PBLD: variants seen among roughly 807,000 people sequenced by gnomAD.
PBLD encodes the protein phenazine biosynthesis-like domain-containing protein.
A neutral mutation model predicts 31.3 loss-of-function variants in PBLD; 26 were observed. That is an observed-to-expected ratio of 0.83 (90% CI 0.61 to 1.15). The LOEUF is 1.15. PBLD is among the 50% of genes most tolerant of loss of function. The pLI is 0.00. For synonymous variants in PBLD, 114 were observed against 129.0 expected (o/e 0.88, Z 0.79); for missense variants, 307 against 351.7 (o/e 0.87, Z 1.02).
At chr10:68,296,226 A>C in intron 4 of PBLD, 40 bp downstream of exon 4, 4 of 1,468,226 alleles carry the variant, frequency 2.7e-6, no homozygotes, top group Non-Finnish European at 3.7e-6. Context: ...AAAAAAAGCC[A>C]TTTGCTAAGT....
At chr10:68,317,017 A>G (rs1342862456) in intron 1 of PBLD, among the ~76,000 whole-genome samples, 1 of 152,196 alleles carries the variant, frequency 6.6e-6, no homozygotes, top group East Asian at 1.9e-4. Context: ...CATCTCAAAA[A>G]AAAGAGAAAA....
intron 1 of PBLD, among the ~76,000 whole-genome samples, chr10:68,332,414 G>T (rs1352119207): frequency 6.6e-6 from 1 of 152,208 alleles, no homozygotes; most frequent in Non-Finnish European, 1.5e-5. Flanking sequence ...GGGAGGACTT[G>T]CTCAGGTGGA....
At chr10:68,285,210 A>T in intron 9 of PBLD, 138 bp downstream of exon 9, 7 of 1,525,804 alleles carry the variant, frequency 4.6e-6, no homozygotes, top group Non-Finnish European at 5.3e-6. Context: ...TTAAGGGTGA[A>T]GGAATTTTAA....
At chr10:68,304,651 G>A (rs1203097436) in intron 2 of PBLD, among the ~76,000 whole-genome samples, 2 of 152,178 alleles carry the variant, frequency 1.3e-5, no homozygotes. Flanking sequence ...GAAATAAAAG[G>A]AGTAAGTTGG....
rs573172628 is a variant in PBLD, at chr10:68,293,820, C to T, written c.284-1582G>A. ...TAAAACCCCATCTCTACTAAAAATA[C>T]AAAAATTAGCCAGGCGTGGTGGCAG... On this transcript the variant is annotated intron_variant, in intron 4 of 9. Transcript: ENST00000358769. 2.0e-5 allele frequency among the ~76,000 whole-genome samples: 3 copies of T among 152,024 alleles called. 1 individual carries two copies. The highest frequency in any genetic ancestry group is 4.8e-5 in the African/African-American group (2 of 41,484).
intron 2 of PBLD, among the ~76,000 whole-genome samples, chr10:68,304,525 ATAAT>A (rs1202566943): frequency 6.6e-6 from 1 of 152,232 alleles, no homozygotes; most frequent in African/African-American, 2.4e-5. Flanking sequence ...TTCCAAATAT[ATAAT>A]TAACATACAA....
intron 6 of PBLD, 146 bp from the exon 7 acceptor site, chr10:68,289,165 T>C (rs1428038524): frequency 1.1e-5 from 7 of 630,690 alleles, no homozygotes; most frequent in African/African-American, 9.2e-5. Context: ...TAGTGCAGTT[T>C]CAGAGCTTAA....
chr10:68,324,604 C>CTTATTTA (rs2044886462), intron 1 of PBLD, among the ~76,000 whole-genome samples: 1 of 148,526 alleles, frequency 6.7e-6, no homozygotes. Context: ...ACCCTCCACA[C>CTTATTTA]TTTATTTATT....
In PBLD at chr10:68,299,106, CAAAAA is replaced by C. The variant is rs35915509; in HGVS notation, c.85-2126_85-2122del. 1.0e-4 allele frequency among the ~76,000 whole-genome samples: 8 copies of C among 79,000 alleles called. No individual in the cohort carries two copies. In the East Asian group the frequency reaches 1.1e-3, roughly 11 times the overall value. The allele number at this position is 79,000 out of a possible 152,430, so 51.8% of individuals were successfully genotyped here. A position where few individuals can be genotyped will look rare whatever the true frequency, so the allele number is the denominator to read the frequency against. ...TGGGTGACAGAGTGAGAGTCCGTCT[CAAAAA>C]AAAAAAAAAAAAAAAAAGTGGACCC... On this transcript the variant is annotated intron_variant, in intron 2 of 9. Coordinates refer to ENST00000358769, the MANE Select transcript of PBLD (RefSeq NM_022129.4).
intron 2 of PBLD, among the ~76,000 whole-genome samples, chr10:68,305,906 C>T (rs76685030): frequency 0.042 from 6,454 of 152,236 alleles, 165 homozygotes; most frequent in African/African-American, 0.048. Flanking sequence ...CCCCAACACA[C>T]ACTTTGCCCA....
intron 1 of PBLD, among the ~76,000 whole-genome samples, chr10:68,308,961 G>A (rs910023756): frequency 1.3e-5 from 2 of 149,702 alleles, no homozygotes; most frequent in Non-Finnish European, 3.0e-5. Context: ...AAATCAGAAA[G>A]CTTCCTTGTC....
chr10:68,284,038 C>T lies in PBLD; in HGVS notation c.*139G>A, dbSNP rs1278143007. 5.5e-6 allele frequency: 4 copies of T among 723,098 alleles called. No homozygotes were observed. The highest frequency in any genetic ancestry group is 1.9e-5 in the South Asian group (1 of 53,950). 44.8% of individuals were successfully genotyped at this position (723,098 alleles called of 1,614,324 possible). ...CTACGATTACAGGCATGAGCCACTGCGCCTGGCCCATTTTTCGATTTTTAA... is the reference window on the plus strand; with the variant it reads ...CTACGATTACAGGCATGAGCCACTGTGCCTGGCCCATTTTTCGATTTTTAA... On this transcript the variant is annotated 3_prime_UTR_variant, in exon 10 of 10. Coordinates refer to ENST00000358769, the MANE Select transcript of PBLD (RefSeq NM_022129.4).
chr10:68,296,586 G>A (rs1033646540), intron 3 of PBLD, among the ~76,000 whole-genome samples: 4 of 152,134 alleles, frequency 2.6e-5, no homozygotes, highest in Admixed American at 6.6e-5. Flanking sequence ...CAAATGAACC[G>A]AAACCAAATC....
intron 6 of PBLD, among the ~76,000 whole-genome samples, chr10:68,289,496 A>G (rs185853498): frequency 2.2e-4 from 34 of 152,186 alleles, no homozygotes; most frequent in Non-Finnish European, 4.4e-4. Context: ...CTTGGCCGAG[A>G]TCGCACCACT....
chr10:68,313,757 A>T (rs2044700507), intron 1 of PBLD, among the ~76,000 whole-genome samples: 1 of 152,178 alleles, frequency 6.6e-6, no homozygotes, highest in African/African-American at 2.4e-5. Flanking sequence ...TGATATTAAG[A>T]TGCTTTCTAA....
rs563789578 is a variant in PBLD at position 68,313,510 on chromosome 10, C to T, written c.-59-6607G>A. ...CGGATGTCACAGAAGCTCCAAACAC[C>T]GCCTTTGTTAAAATGTTCATAGGCT... On this transcript the variant is annotated intron_variant, in intron 1 of 9. Coordinates refer to ENST00000358769, the MANE Select transcript of PBLD (RefSeq NM_022129.4). 7.2e-5 allele frequency among the ~76,000 whole-genome samples: 11 copies of T among 152,284 alleles called. No homozygotes were observed. In the East Asian group the frequency reaches 7.7e-4, roughly 11 times the overall value.
In PBLD at chr10:68,283,906, C is replaced by G. The variant is rs111462138; in HGVS notation, c.*271G>C. On this transcript the variant is annotated 3_prime_UTR_variant, in exon 10 of 10. Transcript: ENST00000358769. ...GAATTACAGGCATGTGGCACCACACCCAGCTAATTTTTGTATTTGTAGTAG... is the reference window on the plus strand; with the variant it reads ...GAATTACAGGCATGTGGCACCACACGCAGCTAATTTTTGTATTTGTAGTAG... The G allele has an allele frequency of 5.6e-3, 1,545 of 277,228 alleles. 7 individuals are homozygous for G. Among genetic ancestry groups the G allele is most frequent in the Non-Finnish European group, 9.1e-3 (1,311 of 143,488 alleles). The allele number at this position is 277,228 out of a possible 1,614,324, so 17.2% of individuals were successfully genotyped here.
chr10:68,325,071 C>G (rs1398867368), intron 1 of PBLD, among the ~76,000 whole-genome samples: 2 of 151,922 alleles, frequency 1.3e-5, no homozygotes, highest in Non-Finnish European at 2.9e-5. Flanking sequence ...TGGTGAAACC[C>G]TGTTTCTACT....
chr10:68,296,974 T>A lies in PBLD; in HGVS notation c.96A>T (p.Glu32Asp), dbSNP rs775704528. Residue 32 changes from glutamate (E) to aspartate (D), a missense_variant, in exon 3 of 10, where the codon GAA becomes GAT. Glu to Asp is a conservative substitution (Grantham distance 45). Transcript: ENST00000358769. ...CCCTTGCAATTTTCTGATGCATGTC[T>A]TCATCCAATTCCTTAATTAGAAACA... ...AVCLLENELDEDMHQKIAREM... is the reference protein window; with the variant it reads ...AVCLLENELDDDMHQKIAREM... 2.5e-6 allele frequency: 4 copies of A among 1,612,148 alleles called. No homozygotes were observed. The highest frequency in any genetic ancestry group is 3.3e-5 in the Admixed American group (2 of 59,986).
Sources: allele counts gnomAD v4.1 joint callset (sites outside exome capture counted in the v4.1 genomes callset), GRCh38; gene constraint gnomAD v4.1.1; transcripts MANE v1.5; gene names NCBI Gene and HGNC (gene_info 2026-07-23, HGNC 2026-07-21).